The following GALE variants were observed in gnomAD, a reference collection of about 807,000 sequenced individuals.
GALE encodes UDP-glucose 4-epimerase.
A neutral mutation model predicts 44.1 loss-of-function variants in GALE; 32 were observed. The observed-to-expected ratio is 0.73, with a 90% CI of 0.55 to 0.97. The LOEUF (loss-of-function observed/expected upper bound fraction) is 0.97, where lower values mean the gene tolerates loss of function less well. GALE is among the 50% of genes least tolerant of loss of function. GALE has a pLI of 0.00. For missense variants in GALE, 423 were observed against 455.6 expected, an observed-to-expected ratio of 0.93 and a Z score of 0.65; for synonymous variants, 182 against 183.5, an observed-to-expected ratio of 0.99 and a Z score of 0.06.
intron 1 of GALE, 84 bp from the exon 2 acceptor site, chr1:23,799,520 A>G (rs115989286): frequency 1.4e-4 from 31 of 215,624 alleles, no homozygotes; most frequent in Non-Finnish European, 2.6e-4. Context: ...GGCTTGTCCA[A>G]TGCCTCCGCC....
rs1230990904 is a variant in GALE at position 23,799,387 on chromosome 1, A to G, written c.-27T>C. On this transcript the variant is annotated 5_prime_UTR_variant, in exon 2 of 12. Coordinates refer to ENST00000617979, the MANE Select transcript of GALE (RefSeq NM_001008216.2). Reference sequence around the variant, plus strand: ...TTGCCTTGGAGTTGGAAAAGATGGAATCTGAGGATCCACACTTCTTTGTCC... The same window carrying G: ...TTGCCTTGGAGTTGGAAAAGATGGAGTCTGAGGATCCACACTTCTTTGTCC... 2 of 342,868 alleles carry G rather than the reference A, an allele frequency of 5.8e-6. No individual in the cohort carries two copies. The highest frequency in any genetic ancestry group is 4.3e-5 in the African/African-American group (2 of 46,802). 21.2% of individuals were successfully genotyped at this position (342,868 alleles called of 1,614,324 possible). A position where few individuals can be genotyped will look rare whatever the true frequency, so the allele number is the denominator to read the frequency against.
rs768413187 is a variant in GALE, at chr1:23,798,119, C to T, written c.349G>A (p.Glu117Lys). The stretch of plus-strand genomic sequence containing the variant: ...GTGCCCTGTCCCATGCCTCTCACCT[C>T]CAGAAGCTGGATGGTCCCGGTCAGG... ...VNLTGTIQLL[E>K]IMKAHGVKNL... The change falls in exon 5 of 12, where the codon GAG becomes AAG. Residue 117 changes from glutamate to lysine, a missense_variant and splice_region_variant. Physicochemically the swap from Glu to Lys is moderately conservative, Grantham distance 56 (BLOSUM62 1). Transcript: ENST00000617979. The surrounding 1 kb of genome is among the most constrained non-coding windows in gnomAD (Gnocchi z 4.5). 6.2e-7 allele frequency: 1 copy of T among 1,612,444 alleles called. No homozygotes were observed. The highest frequency in any genetic ancestry group is 1.1e-5 in the South Asian group (1 of 91,054).
At position 23,798,511 on chromosome 1, in the gene GALE, G is replaced by T; in HGVS notation, c.237+104C>A. Reference sequence around the variant, plus strand: ...TGTAGAGATGGGGTTTCACTGTGTTGAGCAGGCTGGTCTTGAACACCTGGG... The same window carrying T: ...TGTAGAGATGGGGTTTCACTGTGTTTAGCAGGCTGGTCTTGAACACCTGGG... On this transcript the variant is annotated intron_variant, in intron 4 of 11. Transcript: ENST00000617979. This position sits in a 1 kb window ranked among gnomAD's most constrained non-coding sequence, Gnocchi z 4.5. 1.2e-6 allele frequency: 1 copy of T among 845,472 alleles called. No individual in the cohort carries two copies. The highest frequency in any genetic ancestry group is 2.0e-6 in the Non-Finnish European group (1 of 499,468). 52.4% of individuals were successfully genotyped at this position (845,472 alleles called of 1,614,324 possible). A position where few individuals can be genotyped will look rare whatever the true frequency, so the allele number is the denominator to read the frequency against.
Position 23,798,222 on chromosome 1 carries a change from A to T in GALE, c.246T>A (p.Phe82Leu). Reference sequence around the variant, plus strand: ...GCCCCGCAAAGTGGATGACCGCCATAAAGCTGTACTGCAGGGGTGACATGG... The same window carrying T: ...GCCCCGCAAAGTGGATGACCGCCATTAAGCTGTACTGCAGGGGTGACATGG... ...ALQRLFKKYS[F>L]MAVIHFAGLK... The change falls in exon 5 of 12, where the codon TTT becomes TTA. Residue 82 changes from phenylalanine (F) to leucine (L), a missense_variant. Transcript: ENST00000617979. This position sits in a 1 kb window ranked among gnomAD's most constrained non-coding sequence, Gnocchi z 4.5. 1 of 1,613,282 alleles carries T rather than the reference A, an allele frequency of 6.2e-7. No homozygotes were observed.
In GALE at chr1:23,795,650, C is replaced by G. The variant is rs1638923054; in HGVS notation, c.*299G>C. 1 of 545,166 alleles carries G rather than the reference C, an allele frequency of 1.8e-6. No homozygotes were observed. Among genetic ancestry groups the G allele is most frequent in the South Asian group, 2.3e-5 (1 of 43,902 alleles). 33.8% of individuals were successfully genotyped at this position (545,166 alleles called of 1,614,324 possible). A position where few individuals can be genotyped will look rare whatever the true frequency, so the allele number is the denominator to read the frequency against. ...TTTTAAATACTTTGGAAAGCTCTTT[C>G]AGAGCAATATAAATGAGTGCCTGGG... On this transcript the variant is annotated 3_prime_UTR_variant, in exon 12 of 12. Coordinates refer to ENST00000617979, the MANE Select transcript of GALE (RefSeq NM_001008216.2).
chr1:23,796,824 C>G lies in GALE; in HGVS notation c.710-42G>C. On this transcript the variant is annotated intron_variant, in intron 8 of 11. Coordinates refer to ENST00000617979, the MANE Select transcript of GALE (RefSeq NM_001008216.2). This position sits in a 1 kb window ranked among gnomAD's most constrained non-coding sequence, Gnocchi z 5.2. ...GTGTTGGATGGGGAGTCTGTTCCCC[C>G]TGACTCTCCTTCCTGGCTCCCACTC... The G allele has an allele frequency of 2.5e-6, 4 of 1,608,084 alleles. No individual in the cohort carries two copies. Among genetic ancestry groups the G allele is most frequent in the Non-Finnish European group, 2.5e-6 (3 of 1,176,992 alleles).
chr1:23,799,577 T>G, intron 1 of GALE, 141 bp from the exon 2 acceptor site: 1 of 174,542 alleles, frequency 5.7e-6, no homozygotes, highest in East Asian at 1.6e-4. Context: ...TAATACCTCC[T>G]GCTCTAGGCG....
At position 23,797,052 on chromosome 1, in the gene GALE, G is replaced by A; in HGVS notation, c.624C>T (p.Leu208=). The change falls in exon 7 of 12, where the codon CTC becomes CTT. Residue 208 remains leucine, a synonymous_variant. Transcript: ENST00000617979. ...GCCTTACCTGGGAGACATAAGGCAT[G>A]AGGTTGTTGGGTATGCCCTGGGGAT... is the stretch of plus-strand genomic sequence containing the variant. ...GEDPQGIPNN[L]MPYVSQVAIG... The A allele has an allele frequency of 1.9e-6, 3 of 1,613,570 alleles. No homozygotes were observed. Among genetic ancestry groups the A allele is most frequent in the Non-Finnish European group, 2.5e-6 (3 of 1,179,734 alleles).
At position 23,796,182 on chromosome 1, in the gene GALE, C is replaced by T. The variant is rs759104374; in HGVS notation, c.957G>A (p.Gly319=). Residue 319 remains glycine, a synonymous_variant, in exon 11 of 12, where the codon GGG becomes GGA. Transcript: ENST00000617979. This position sits in a 1 kb window ranked among gnomAD's most constrained non-coding sequence, Gnocchi z 5.2. ...ANPSLAQEEL[G]WTAALGLDRM... ...TGTCCAGCCCTAAGGCTGCTGTCCA[C>T]CCCAGCTCCTCTTGGGCCAGGCTGG... 50 of 1,613,990 alleles carry T rather than the reference C, an allele frequency of 3.1e-5. 1 individual carries two copies. The highest frequency in any genetic ancestry group is 2.0e-4 in the South Asian group (18 of 91,090).
Position 23,795,831 on chromosome 1 carries a change from G to C in GALE, c.*118C>G. ...CTGGTGGGCTAAGCGGGCCCAGCTGGGGTTTGAGGTAGGGGAGGCCTTGGC... is the reference window on the plus strand; with the variant it reads ...CTGGTGGGCTAAGCGGGCCCAGCTGCGGTTTGAGGTAGGGGAGGCCTTGGC... On this transcript the variant is annotated 3_prime_UTR_variant, in exon 12 of 12. Transcript: ENST00000617979. 2 of 1,001,036 alleles carry C rather than the reference G, an allele frequency of 2.0e-6. No individual in the cohort carries two copies. The highest frequency in any genetic ancestry group is 2.7e-5 in the South Asian group (2 of 74,260). The allele number at this position is 1,001,036 out of a possible 1,614,324, so 62.0% of individuals were successfully genotyped here. A position where few individuals can be genotyped will look rare whatever the true frequency, so the allele number is the denominator to read the frequency against.
At chr1:23,800,018 G>C (rs1639079789) in intron 1 of GALE, 1 of 152,234 alleles carries the variant, frequency 6.6e-6, no homozygotes, top group African/African-American at 2.4e-5. Flanking sequence ...AGAGCCCTCT[G>C]CGTGCCAGGC....
At position 23,796,023 on chromosome 1, in the gene GALE, G is replaced by T. The variant is rs559590747; in HGVS notation, c.989-16C>A. On this transcript the variant is annotated splice_polypyrimidine_tract_variant and intron_variant, in intron 11 of 11. Transcript: ENST00000617979. The surrounding 1 kb of genome is among the most constrained non-coding windows in gnomAD (Gnocchi z 5.2). ...AGATCCTCACCTGCAACACGGCGAG[G>T]TGTGTGCTCAGGGCCCACGGTGGAA... is the stretch of plus-strand genomic sequence containing the variant. 6.2e-7 allele frequency: 1 copy of T among 1,613,812 alleles called. No individual in the cohort carries two copies. Among genetic ancestry groups the T allele is most frequent in the Admixed American group, 1.7e-5 (1 of 60,006 alleles).
chr1:23,797,590 C>T, intron 6 of GALE, 105 bp downstream of exon 6: 2 of 1,125,542 alleles, frequency 1.8e-6, no homozygotes, highest in South Asian at 2.5e-5. Flanking sequence ...TGAGCCTTAG[C>T]TTCCTCCTTA....
At chr1:23,800,680 G>A (rs1375268448) in intron 1 of GALE, 32 bp downstream of exon 1, 7 of 151,636 alleles carry the variant, frequency 4.6e-5, no homozygotes, top group African/African-American at 1.7e-4. Context: ...CCCCTCGCGA[G>A]CCCACCCGGC....
At position 23,796,597 on chromosome 1, in the gene GALE, G is replaced by C. The variant is rs780789043; in HGVS notation, c.796-11C>G. On this transcript the variant is annotated splice_polypyrimidine_tract_variant and intron_variant, in intron 9 of 11. Transcript: ENST00000617979. This position sits in a 1 kb window ranked among gnomAD's most constrained non-coding sequence, Gnocchi z 5.2. ...GCCCAGGTTGTAGATCTGGCCCACG[G>C]AGAACAGGGTTTATGGAGCGGGCTG... 3 of 1,614,132 alleles carry C rather than the reference G, an allele frequency of 1.9e-6. No homozygotes were observed. Among genetic ancestry groups the C allele is most frequent in the East Asian group, 4.5e-5 (2 of 44,878 alleles).
Position 23,798,290 on chromosome 1 carries a change from AGCCT to A in GALE, c.238-64_238-61del. The A allele has an allele frequency of 5.8e-6, 7 of 1,214,448 alleles. No individual in the cohort carries two copies. Among genetic ancestry groups the A allele is most frequent in the Non-Finnish European group, 7.3e-6 (6 of 820,418 alleles). 75.2% of individuals were successfully genotyped at this position (1,214,448 alleles called of 1,614,324 possible). A position where few individuals can be genotyped will look rare whatever the true frequency, so the allele number is the denominator to read the frequency against. On this transcript the variant is annotated intron_variant, in intron 4 of 11. Coordinates refer to ENST00000617979, the MANE Select transcript of GALE (RefSeq NM_001008216.2). The surrounding 1 kb of genome is among the most constrained non-coding windows in gnomAD (Gnocchi z 4.5). ...GGTTTTAGTCCTTGGCAATGCCCTCAGCCTGCCTGCCTGCACTCACCTTTTTTTT... is the reference window on the plus strand; with the variant it reads ...GGTTTTAGTCCTTGGCAATGCCCTCAGCCTGCCTGCACTCACCTTTTTTTT...
rs1557478285 is a variant in GALE at position 23,796,511 on chromosome 1, T to A, written c.871A>T (p.Lys291Ter). ...GTGGGTGGGGCGGGGGGGCCTACCT[T>A]CTTCCCAGAGGCCTTCTCCATAGCC... Reference protein sequence around the residue: ...VQAMEKASGKKIPYKVVARRE... With the variant: ...VQAMEKASGK The change falls in exon 10 of 12, where the codon AAG becomes TAG. Residue 291 changes from lysine (K) to a stop codon, truncating the protein, a stop_gained and splice_region_variant. Transcript: ENST00000617979. LOFTEE classifies it high-confidence loss of function. The surrounding 1 kb of genome is among the most constrained non-coding windows in gnomAD (Gnocchi z 5.2). 1 of 1,612,406 alleles carries A rather than the reference T, an allele frequency of 6.2e-7. No homozygotes were observed. Among genetic ancestry groups the A allele is most frequent in the Admixed American group, 1.7e-5 (1 of 59,986 alleles).
In GALE at chr1:23,796,976, T is replaced by G. The variant is rs200509458; in HGVS notation, c.643-34A>C. On this transcript the variant is annotated intron_variant, in intron 7 of 11. Coordinates refer to ENST00000617979, the MANE Select transcript of GALE (RefSeq NM_001008216.2). The surrounding 1 kb of genome is among the most constrained non-coding windows in gnomAD (Gnocchi z 5.2). ...GGAGATCAGGTCAGTTCGTCCCAGA[T>G]CCCAGGCACCAGCTTTAACCCCAGG... The G allele has an allele frequency of 6.2e-7, 1 of 1,610,196 alleles. No homozygotes were observed. Among genetic ancestry groups the G allele is most frequent in the Non-Finnish European group, 8.5e-7 (1 of 1,178,140 alleles).
At chr1:23,799,167 G>T in intron 2 of GALE, 155 bp from the exon 3 acceptor site, 3 of 909,292 alleles carry the variant, frequency 3.3e-6, no homozygotes, top group Non-Finnish European at 5.3e-6. Context: ...GGCAAGTCTG[G>T]GTACCATCAC....
Sources: gnomAD v4.1 joint callset for allele counts on GRCh38, gnomAD v4.1.1 for gene constraint, Gnocchi (gnomAD v3.1) non-coding constraint, MANE v1.5 for transcripts, NCBI Gene and HGNC (gene_info 2026-07-23, HGNC 2026-07-21) for gene names.